SLC4A4: variants seen among roughly 807,000 people sequenced by gnomAD.
SLC4A4 encodes electrogenic sodium bicarbonate cotransporter 1.
In SLC4A4, 27 loss-of-function variants were observed where a neutral mutation model predicts 111.5. The ratio of observed to expected loss-of-function variants is 0.24; its 90% CI spans 0.18 to 0.33. The LOEUF (loss-of-function observed/expected upper bound fraction) is 0.33, where lower values mean the gene tolerates loss of function less well. SLC4A4 is among the 10% of genes least tolerant of loss of function. The probability of loss-of-function intolerance (pLI) is 1.00; values close to 1 mark genes in which losing one functional copy is unlikely to be tolerated. For synonymous variants in SLC4A4, 443 were observed against 463.4 expected (o/e 0.96, Z 0.57); for missense variants, 909 against 1,315.5 (o/e 0.69, Z 4.78).
intron 2 of SLC4A4, among the ~76,000 whole-genome samples, chr4:71,132,926 A>C (rs963783929): frequency 2.6e-5 from 4 of 152,192 alleles, no homozygotes; most frequent in African/African-American, 9.6e-5. Context: ...GCTAAAGGCC[A>C]CTCCAATGCA....
At chr4:71,320,563 A>G (rs1329696079) in intron 3 of SLC4A4, among the ~76,000 whole-genome samples, 1 of 152,034 alleles carries the variant, frequency 6.6e-6, no homozygotes, top group African/African-American at 2.4e-5. Flanking sequence ...GGATTTGGAC[A>G]ATTTTCAGGT....
At chr4:71,112,739 G>T (rs1368177258) in intron 2 of SLC4A4, among the ~76,000 whole-genome samples, 2 of 152,032 alleles carry the variant, frequency 1.3e-5, no homozygotes, top group African/African-American at 4.8e-5. Flanking sequence ...AGTGGGACCT[G>T]GGAATCTCTC....
intron 2 of SLC4A4, among the ~76,000 whole-genome samples, chr4:71,117,387 G>A (rs2148954700): frequency 6.6e-6 from 1 of 152,322 alleles, no homozygotes; most frequent in South Asian, 2.1e-4. Flanking sequence ...GATGGCTTGT[G>A]AATGATTCTG....
intron 1 of SLC4A4, among the ~76,000 whole-genome samples, chr4:71,225,854 C>A (rs982273210): frequency 2.0e-5 from 3 of 152,202 alleles, no homozygotes; most frequent in African/African-American, 4.8e-5. Flanking sequence ...TCACAGACTA[C>A]AATGAATATG....
At chr4:71,069,341 T>C (rs1407434521) in intron 1 of SLC4A4, among the ~76,000 whole-genome samples, 2 of 152,190 alleles carry the variant, frequency 1.3e-5, no homozygotes, top group Admixed American at 6.5e-5. Context: ...ATTCTCAATC[T>C]TGTATCCCTG....
chr4:71,448,783 G>A (rs1025503996), intron 9 of SLC4A4, among the ~76,000 whole-genome samples: 1 of 152,038 alleles, frequency 6.6e-6, no homozygotes, highest in African/African-American at 2.4e-5. Context: ...TGCTTGATTT[G>A]TCGGTTTTTC....
At chr4:71,064,251 A>T (rs750453841) in intron 1 of SLC4A4, among the ~76,000 whole-genome samples, 6 of 152,322 alleles carry the variant, frequency 3.9e-5, no homozygotes, top group Non-Finnish European at 8.8e-5. Flanking sequence ...TCAATTCTTC[A>T]TCAGGGACAA....
At chr4:71,241,777 A>ACACATTGGCC (rs1222358298) in intron 2 of SLC4A4, among the ~76,000 whole-genome samples, 1 of 152,244 alleles carries the variant, frequency 6.6e-6, no homozygotes, top group Non-Finnish European at 1.5e-5. Flanking sequence ...CAATGTATCC[A>ACACATTGGCC]CACATTGGCC....
chr4:71,242,830 C>T (rs938357797), intron 2 of SLC4A4, among the ~76,000 whole-genome samples: 2 of 151,750 alleles, frequency 1.3e-5, no homozygotes, highest in African/African-American at 2.4e-5. Flanking sequence ...TGTTTACTTG[C>T]TTAATTCATT....
chr4:71,379,336 C>T (rs538966235), intron 6 of SLC4A4, among the ~76,000 whole-genome samples: 2 of 152,278 alleles, frequency 1.3e-5, no homozygotes, highest in African/African-American at 4.8e-5. Flanking sequence ...CACTCTTGTA[C>T]TACAAGCTCT....
intron 7 of SLC4A4, among the ~76,000 whole-genome samples, chr4:71,398,021 C>T (rs1410931265): frequency 1.3e-5 from 2 of 152,098 alleles, no homozygotes; most frequent in Non-Finnish European, 2.9e-5. Context: ...CACAGTGGCT[C>T]ATGCCTGTAA....
intron 3 of SLC4A4, among the ~76,000 whole-genome samples, chr4:71,329,468 C>A (rs917447252): frequency 2.6e-5 from 4 of 151,900 alleles, no homozygotes; most frequent in Admixed American, 2.6e-4. Context: ...AATATCTTTC[C>A]ATTTTGTTAT....
At chr4:71,124,739 T>C (rs1743518910) in intron 2 of SLC4A4, among the ~76,000 whole-genome samples, 1 of 152,254 alleles carries the variant, frequency 6.6e-6, no homozygotes, top group South Asian at 2.1e-4. Flanking sequence ...CTTCAGTGTT[T>C]TCTTTTTTTC....
chr4:71,282,874 C>T (rs1488955035), intron 3 of SLC4A4, among the ~76,000 whole-genome samples: 1 of 152,076 alleles, frequency 6.6e-6, no homozygotes, highest in Non-Finnish European at 1.5e-5. Context: ...CCCATGCTTG[C>T]TCAGATTTTT....
intron 21 of SLC4A4, 34 bp from the exon 22 acceptor site, chr4:71,557,678 A>G: frequency 1.2e-6 from 2 of 1,602,290 alleles, no homozygotes; most frequent in South Asian, 1.1e-5. Flanking sequence ...TAATGCAGTA[A>G]TGCAGTTGGA....
chr4:71,473,067 A>T lies in SLC4A4; in HGVS notation c.1903+97A>T, dbSNP rs113993719. 3.7e-5 allele frequency: 49 copies of T among 1,330,452 alleles called. No homozygotes were observed. In the African/African-American group the frequency reaches 6.6e-4, roughly 18 times the overall value. The allele number at this position is 1,330,452 out of a possible 1,614,324, so 82.4% of individuals were successfully genotyped here. On this transcript the variant is annotated intron_variant, in intron 14 of 25. Coordinates refer to ENST00000264485, the MANE Select transcript of SLC4A4 (RefSeq NM_001098484.3). ...TTTTCAACATGCTGTCATGGTCCTC[A>T]GGAATTAGTCTTGTTTTTTTCTCTG... is the stretch of plus-strand genomic sequence containing the variant.
upstream of SLC4A4, among the ~76,000 whole-genome samples, chr4:71,186,310 G>A (rs917575050): frequency 6.6e-6 from 1 of 152,180 alleles, no homozygotes; most frequent in Non-Finnish European, 1.5e-5. Context: ...TTTGTTAAAG[G>A]TGAACAATTA....
intron 2 of SLC4A4, among the ~76,000 whole-genome samples, chr4:71,140,811 C>T (rs1386526518): frequency 2.0e-5 from 3 of 152,172 alleles, no homozygotes; most frequent in Non-Finnish European, 2.9e-5. Flanking sequence ...CAAGATACCA[C>T]CTATCATCTC....
At chr4:71,517,041 A>AT (rs2149185450) in intron 16 of SLC4A4, among the ~76,000 whole-genome samples, 1 of 152,002 alleles carries the variant, frequency 6.6e-6, no homozygotes, top group Non-Finnish European at 1.5e-5. Flanking sequence ...TTTGTATTAT[A>AT]TTTTTTGTCA....
Sources: allele counts gnomAD v4.1 joint callset (sites outside exome capture counted in the v4.1 genomes callset), GRCh38; gene constraint gnomAD v4.1.1; transcripts MANE v1.5; gene names NCBI Gene and HGNC (gene_info 2026-07-23, HGNC 2026-07-21).